ZSWIM5: variants seen among roughly 807,000 people sequenced by gnomAD.
ZSWIM5 encodes zinc finger SWIM-type containing 5.
ZSWIM5 carries 55 observed loss-of-function variants against 119.6 expected under a neutral mutation model. The ratio of observed to expected loss-of-function variants is 0.46; its 90% CI spans 0.37 to 0.58. The LOEUF (loss-of-function observed/expected upper bound fraction) is 0.58, where lower values mean the gene tolerates loss of function less well. Among genes scored for constraint, ZSWIM5 ranks in the 20% least tolerant of loss-of-function variants. The pLI, the probability that ZSWIM5 is intolerant of heterozygous loss-of-function variation, is 0.00. For missense variants in ZSWIM5, 1,193 were observed against 1,512.8 expected (o/e 0.79, Z 3.51); for synonymous variants, 537 against 606.9 (o/e 0.88, Z 1.69).
In ZSWIM5 at chr1:45,088,515, G is replaced by A. The variant is rs1016395720; in HGVS notation, c.596-278C>T. Among the ~76,000 whole-genome samples, 10 of 152,050 alleles carry A rather than the reference G, an allele frequency of 6.6e-5. No individual in the cohort carries two copies. The highest frequency in any genetic ancestry group is 2.4e-4 in the African/African-American group (10 of 41,376). On this transcript the variant is annotated intron_variant, in intron 1 of 13. Coordinates refer to ENST00000359600, the MANE Select transcript of ZSWIM5 (RefSeq NM_020883.2). This position sits in a 1 kb window ranked among gnomAD's most constrained non-coding sequence, Gnocchi z 4.2. ...TTGTACGTGTATACATTTTTCTGGG[G>A]GTGGGGATAGTTCATAGCTATCATC...
chr1:45,035,574 G>A (rs112879989), intron 10 of ZSWIM5, 114 bp downstream of exon 10: 70 of 1,329,830 alleles, frequency 5.3e-5, no homozygotes, highest in African/African-American at 4.0e-4. Context: ...ACTTGGTAGC[G>A]GGTCCAACAG....
chr1:45,043,709 G>A (rs896220519), intron 5 of ZSWIM5, among the ~76,000 whole-genome samples: 1 of 152,148 alleles, frequency 6.6e-6, no homozygotes, highest in African/African-American at 2.4e-5. Context: ...AGATCCAGAA[G>A]CTACATGAAA....
At chr1:45,028,659 G>T (rs1644934073) in intron 11 of ZSWIM5, among the ~76,000 whole-genome samples, 1 of 152,060 alleles carries the variant, frequency 6.6e-6, no homozygotes, top group African/African-American at 2.4e-5. Flanking sequence ...AGGAGGCTGA[G>T]GCAGGAGATT....
intron 1 of ZSWIM5, among the ~76,000 whole-genome samples, chr1:45,186,617 A>T (rs895308105): frequency 1.3e-4 from 19 of 151,912 alleles, no homozygotes; most frequent in African/African-American, 3.1e-4. Flanking sequence ...TTATTTATTT[A>T]TTTTTTGAGA....
chr1:45,049,154 T>C (rs1415333757), intron 5 of ZSWIM5, among the ~76,000 whole-genome samples: 1 of 151,918 alleles, frequency 6.6e-6, no homozygotes, highest in Non-Finnish European at 1.5e-5. Context: ...AAAAAAAGAA[T>C]TATGATCAGA....
intron 1 of ZSWIM5, among the ~76,000 whole-genome samples, chr1:45,118,614 T>C (rs1013416249): frequency 5.3e-5 from 8 of 151,822 alleles, no homozygotes; most frequent in African/African-American, 1.7e-4. Flanking sequence ...TGCTGGTGCA[T>C]GCCTGTAGTC....
At chr1:45,150,139 C>T (rs1447389404) in intron 1 of ZSWIM5, among the ~76,000 whole-genome samples, 1 of 144,012 alleles carries the variant, frequency 6.9e-6, no homozygotes, top group Non-Finnish European at 1.5e-5. Flanking sequence ...TACTGCATTC[C>T]AGCCTGGGTA....
intron 1 of ZSWIM5, among the ~76,000 whole-genome samples, chr1:45,096,535 AAC>A (rs370564289): frequency 2.9e-4 from 41 of 140,196 alleles, no homozygotes; most frequent in East Asian, 4.4e-4. Context: ...TGGCCCTATC[AAC>A]ACACACACAC....
At chr1:45,108,047 C>T (rs892489659) in intron 1 of ZSWIM5, among the ~76,000 whole-genome samples, 9 of 152,098 alleles carry the variant, frequency 5.9e-5, no homozygotes, top group South Asian at 4.1e-4. Context: ...CCTCCTGCCT[C>T]GGCCTCCCAA....
At chr1:45,078,843 C>T (rs985653924) in intron 2 of ZSWIM5, among the ~76,000 whole-genome samples, 3 of 152,176 alleles carry the variant, frequency 2.0e-5, no homozygotes, top group African/African-American at 7.2e-5. Flanking sequence ...TAGCTGTTCA[C>T]CTGCTGTTCC....
At chr1:45,037,466 A>G (rs539194525) in intron 8 of ZSWIM5, among the ~76,000 whole-genome samples, 2 of 152,188 alleles carry the variant, frequency 1.3e-5, no homozygotes, top group African/African-American at 4.8e-5. Flanking sequence ...ATAAAATCTT[A>G]TATTTTGCTA....
intron 2 of ZSWIM5, among the ~76,000 whole-genome samples, chr1:45,074,466 C>T (rs1299997975): frequency 1.3e-5 from 2 of 151,842 alleles, no homozygotes; most frequent in Admixed American, 1.3e-4. Flanking sequence ...TTATATGAGT[C>T]TTGAAATTTG....
intron 2 of ZSWIM5, among the ~76,000 whole-genome samples, chr1:45,066,021 C>A (rs1645181450): frequency 8.7e-6 from 1 of 114,760 alleles, no homozygotes; most frequent in African/African-American, 3.3e-5. Flanking sequence ...CCTCCCCCCA[C>A]CCCACAACAG....
At chr1:45,055,817 T>C (rs1201956291) in intron 4 of ZSWIM5, among the ~76,000 whole-genome samples, 1 of 152,182 alleles carries the variant, frequency 6.6e-6, no homozygotes, top group African/African-American at 2.4e-5. Flanking sequence ...TATGCAGTTA[T>C]GGAAACCAAG....
intron 1 of ZSWIM5, among the ~76,000 whole-genome samples, chr1:45,127,824 T>A (rs969807158): frequency 6.6e-6 from 1 of 152,204 alleles, no homozygotes; most frequent in Non-Finnish European, 1.5e-5. Context: ...TATTTCTATA[T>A]ACTAGTAATG....
chr1:45,196,136 A>G (rs1480747501), intron 1 of ZSWIM5, among the ~76,000 whole-genome samples: 2 of 149,210 alleles, frequency 1.3e-5, no homozygotes, highest in East Asian at 3.9e-4. Context: ...TTGCCTCCCA[A>G]AGTGCTGGGA....
At chr1:45,167,757 A>G (rs1338585622) in intron 1 of ZSWIM5, among the ~76,000 whole-genome samples, 1 of 152,174 alleles carries the variant, frequency 6.6e-6, no homozygotes, top group Non-Finnish European at 1.5e-5. Flanking sequence ...GAGAAATGCA[A>G]ATCAAAACCA....
intron 1 of ZSWIM5, among the ~76,000 whole-genome samples, chr1:45,157,387 C>T (rs146227740): frequency 7.5e-4 from 114 of 152,172 alleles, no homozygotes; most frequent in African/African-American, 2.5e-3. Flanking sequence ...GGTGGCCAGG[C>T]TGGTTTCGAA....
intron 5 of ZSWIM5, 74 bp downstream of exon 5, chr1:45,051,000 C>T: frequency 1.4e-6 from 2 of 1,411,524 alleles, no homozygotes; most frequent in Non-Finnish European, 9.6e-7. Flanking sequence ...TATCCAGCTA[C>T]CATTGTTCTA....
Sources: gnomAD v4.1 joint callset for allele counts (sites outside exome capture counted in the v4.1 genomes callset) on GRCh38, gnomAD v4.1.1 for gene constraint, Gnocchi (gnomAD v3.1) non-coding constraint, MANE v1.5 for transcripts, NCBI Gene and HGNC (gene_info 2026-07-23, HGNC 2026-07-21) for gene names.